Variants in HCN2 observed in about 807,000 individuals in gnomAD.
HCN2 encodes hyperpolarization activated cyclic nucleotide gated potassium and sodium channel 2.
A neutral mutation model predicts 52.3 loss-of-function variants in HCN2; 20 were observed. The ratio of observed to expected loss-of-function variants is 0.38; its 90% CI spans 0.27 to 0.56. The LOEUF (loss-of-function observed/expected upper bound fraction) is 0.56. Among genes scored for constraint, HCN2 ranks in the 20% least tolerant of loss-of-function variants. The pLI, the probability that HCN2 is intolerant of heterozygous loss-of-function variation, is 0.71. For missense variants in HCN2, 981 were observed against 1,207.7 expected (o/e 0.81, Z 2.78); for synonymous variants, 694 against 537.0 (o/e 1.29, Z -4.04).
At chr19:615,734 C>T (rs796437525) in intron 7 of HCN2, 61 bp from the exon 8 acceptor site, 26 of 1,565,220 alleles carry the variant, frequency 1.7e-5, no homozygotes, top group African/African-American at 9.5e-5. Flanking sequence ...AGTAGGTGCT[C>T]GGTGCCCGCT....
In HCN2 at chr19:590,383, C is replaced by T. The variant is rs748658573; in HGVS notation, c.438C>T (p.Ser146=). The T allele has an allele frequency of 8.2e-6, 10 of 1,220,396 alleles. No homozygotes were observed. Among genetic ancestry groups the T allele is most frequent in the Admixed American group, 7.8e-5 (2 of 25,514 alleles). The allele number at this position is 1,220,396 out of a possible 1,614,324, so 75.6% of individuals were successfully genotyped here. A position where few individuals can be genotyped will look rare whatever the true frequency, so the allele number is the denominator to read the frequency against. Residue 146 remains serine, a synonymous_variant, in exon 1 of 8, where the codon AGC becomes AGT. Transcript: ENST00000251287. The surrounding 1 kb of genome is among the most constrained non-coding windows in gnomAD (Gnocchi z 7.2). ...PGPGPAEEAG[S]EEAGPAGEPR... ...CGGGGCCGGCGGAGGAGGCGGGCAG[C>T]GAGGAGGCGGGCCCGGCGGGGGAGC...
At chr19:614,612 A>G (rs907262046) in intron 7 of HCN2, among the ~76,000 whole-genome samples, 4 of 152,154 alleles carry the variant, frequency 2.6e-5, no homozygotes, top group African/African-American at 9.7e-5. Context: ...CCTAGAGTCC[A>G]GAGAGCCAGG....
At chr19:603,186 T>TG (rs1482253913) in intron 1 of HCN2, among the ~76,000 whole-genome samples, 1 of 91,404 alleles carries the variant, frequency 1.1e-5, no homozygotes. Context: ...CATAGGTGCC[T>TG]GGGGGAATGC....
chr19:615,104 G>A (rs1196679346), intron 7 of HCN2, among the ~76,000 whole-genome samples: 6 of 151,998 alleles, frequency 3.9e-5, no homozygotes, highest in Admixed American at 2.0e-4. Context: ...AGGTGTTTTC[G>A]GTATGCCTGT....
rs769714851 is a variant in HCN2 at position 610,245 on chromosome 19, C to T, written c.1438-14C>T. 1 of 1,610,536 alleles carries T rather than the reference C, an allele frequency of 6.2e-7. No individual in the cohort carries two copies. On this transcript the variant is annotated splice_polypyrimidine_tract_variant and intron_variant, in intron 4 of 7. Coordinates refer to ENST00000251287, the MANE Select transcript of HCN2 (RefSeq NM_001194.4). ...GGGGGCGGTGTCTGACCCAGCCTCG[C>T]CTCCTCCCCACAGTACAAGCAGGTG...
At position 616,634 on chromosome 19, in the gene HCN2, GCCCCCTCCGCGCCCCCGGCCGTC is replaced by G; in HGVS notation, c.*168_*190del. On this transcript the variant is annotated 3_prime_UTR_variant, in exon 8 of 8. Coordinates refer to ENST00000251287, the MANE Select transcript of HCN2 (RefSeq NM_001194.4). ...ACGGACGGGCAGGGCCGGCGGGGCA[GCCCCCTCCGCGCCCCCGGCCGTC>G]CCCCCTCATCGCCCCGCGCCCACCC... is the stretch of plus-strand genomic sequence containing the variant. 1 of 316,680 alleles carries G rather than the reference GCCCCCTCCGCGCCCCCGGCCGTC, an allele frequency of 3.2e-6. No individual in the cohort carries two copies. Among genetic ancestry groups the G allele is most frequent in the Non-Finnish European group, 5.2e-6 (1 of 190,934 alleles). The allele number at this position is 316,680 out of a possible 1,614,324, so 19.6% of individuals were successfully genotyped here.
At chr19:607,425 G>A (rs570651999) in intron 3 of HCN2, among the ~76,000 whole-genome samples, 7 of 152,316 alleles carry the variant, frequency 4.6e-5, no homozygotes, top group Admixed American at 3.3e-4. Flanking sequence ...GGGAAGACCC[G>A]CCAGTGCCCC....
At chr19:611,445 G>A (rs577641851) in intron 5 of HCN2, among the ~76,000 whole-genome samples, 44 of 152,160 alleles carry the variant, frequency 2.9e-4, no homozygotes, top group Non-Finnish European at 4.6e-4. Flanking sequence ...CAGAGGCCCC[G>A]AGGAGGGGCT....
At position 590,167 on chromosome 19, in the gene HCN2, G is replaced by C; in HGVS notation, c.222G>C (p.Arg74=). ...CGGATGAGGGCGGCCCGCGGGGCCGGCTCCGCAGCCGCGACAGCTCGTGCG... is the reference window on the plus strand; with the variant it reads ...CGGATGAGGGCGGCCCGCGGGGCCGCCTCCGCAGCCGCGACAGCTCGTGCG... ...EAADEGGPRG[R]LRSRDSSCGR... The change falls in exon 1 of 8, where the codon CGG becomes CGC. Residue 74 remains arginine, a synonymous_variant. Coordinates refer to ENST00000251287, the MANE Select transcript of HCN2 (RefSeq NM_001194.4). This position sits in a 1 kb window ranked among gnomAD's most constrained non-coding sequence, Gnocchi z 7.2. 1 of 977,660 alleles carries C rather than the reference G, an allele frequency of 1.0e-6. No homozygotes were observed. Among genetic ancestry groups the C allele is most frequent in the Non-Finnish European group, 1.2e-6 (1 of 826,582 alleles). 60.6% of individuals were successfully genotyped at this position (977,660 alleles called of 1,614,324 possible).
At chr19:611,601 T>A (rs1983640862) in intron 5 of HCN2, among the ~76,000 whole-genome samples, 1 of 152,192 alleles carries the variant, frequency 6.6e-6, no homozygotes. Context: ...TAATTGCATT[T>A]GATGACTACG....
At position 604,782 on chromosome 19, in the gene HCN2, G is replaced by T. The variant is rs1272948529; in HGVS notation, c.1057-279G>T. 4.4e-5 allele frequency among the ~76,000 whole-genome samples: 4 copies of T among 90,122 alleles called. No homozygotes were observed. The Admixed American group carries it at 5.8e-4, about 13-fold the overall frequency. The allele number at this position is 90,122 out of a possible 152,430, so 59.1% of individuals were successfully genotyped here. ...CGGTGTCAGACATCAGGGGTGGGGA[G>T]CTGTGGATTTGGGGGGTGTCCTAGG... On this transcript the variant is annotated intron_variant, in intron 2 of 7. Coordinates refer to ENST00000251287, the MANE Select transcript of HCN2 (RefSeq NM_001194.4).
intron 7 of HCN2, among the ~76,000 whole-genome samples, chr19:615,004 A>C (rs868067528): frequency 6.6e-6 from 1 of 152,148 alleles, no homozygotes; most frequent in Non-Finnish European, 1.5e-5. Context: ...CTTGCTCTAT[A>C]CAGTGAGTAT....
At chr19:615,513 C>T (rs1282681788) in intron 7 of HCN2, among the ~76,000 whole-genome samples, 2 of 152,188 alleles carry the variant, frequency 1.3e-5, no homozygotes, top group Non-Finnish European at 2.9e-5. Context: ...GACTCCGTCT[C>T]AGAAACAAAG....
chr19:607,989 C>T lies in HCN2; in HGVS notation c.1244C>T (p.Ser415Phe), dbSNP rs1293529618. 2 of 1,612,556 alleles carry T rather than the reference C, an allele frequency of 1.2e-6. No individual in the cohort carries two copies. Among genetic ancestry groups the T allele is most frequent in the Non-Finnish European group, 1.7e-6 (2 of 1,179,990 alleles). ...AACCACTCGTGGAGTGAACTGTACT[C>T]CTTCGCACTCTTCAAGGCCATGAGC... ...MVNHSWSELY[S>F]FALFKAMSHM... The change falls in exon 4 of 8, where the codon TCC becomes TTC. Residue 415 changes from serine (S) to phenylalanine (F), a missense_variant. Coordinates refer to ENST00000251287, the MANE Select transcript of HCN2 (RefSeq NM_001194.4).
chr19:605,461 A>G (rs1983394686), intron 3 of HCN2, among the ~76,000 whole-genome samples: 1 of 34,404 alleles, frequency 2.9e-5, no homozygotes, highest in Non-Finnish European at 4.8e-5. Flanking sequence ...CCCCTTATGG[A>G]GGGGAGGACT....
chr19:593,157 C>T (rs1192967478), intron 1 of HCN2, among the ~76,000 whole-genome samples: 4 of 152,256 alleles, frequency 2.6e-5, no homozygotes, highest in Admixed American at 2.0e-4. Flanking sequence ...CCCAAGTCCA[C>T]CCTGCTCCCG....
chr19:615,387 G>A (rs1376282674), intron 7 of HCN2, among the ~76,000 whole-genome samples: 1 of 152,136 alleles, frequency 6.6e-6, no homozygotes, highest in Non-Finnish European at 1.5e-5. Flanking sequence ...GGTGGCGGGC[G>A]CCTGTAGTCC....
chr19:599,765 G>C (rs1000408761), intron 1 of HCN2, among the ~76,000 whole-genome samples: 1 of 152,086 alleles, frequency 6.6e-6, no homozygotes, highest in Non-Finnish European at 1.5e-5. Context: ...TCCAGCCTGG[G>C]CGACAGAGTG....
Position 613,315 on chromosome 19 carries a change from A to G in HCN2, c.1652A>G (p.Asn551Ser). 1.2e-6 allele frequency: 2 copies of G among 1,612,810 alleles called. No individual in the cohort carries two copies. Among genetic ancestry groups the G allele is most frequent in the Non-Finnish European group, 1.7e-6 (2 of 1,179,852 alleles). The change falls in exon 6 of 8, where the codon AAC (asparagine) becomes AGC (serine). Residue 551 changes from asparagine (N) to serine (S), a missense_variant. Transcript: ENST00000251287. ...SMPLFANADP[N>S]FVTAMLTKLK... ...CCGCTGTTCGCCAACGCCGACCCCA[A>G]CTTCGTCACGGCCATGCTGACCAAG...
Sources: gnomAD v4.1 joint callset for allele counts (sites outside exome capture counted in the v4.1 genomes callset) on GRCh38, gnomAD v4.1.1 for gene constraint, Gnocchi (gnomAD v3.1) non-coding constraint, MANE v1.5 for transcripts, NCBI Gene and HGNC (gene_info 2026-07-23, HGNC 2026-07-21) for gene names.